LRTM1: variants seen among roughly 807,000 people sequenced by gnomAD.
The protein encoded by LRTM1 is leucine rich repeat transmembrane protein 1.
In LRTM1, 38 loss-of-function variants were observed where a neutral mutation model predicts 32.4. The observed-to-expected ratio is 1.17, with a 90% CI of 0.91 to 1.54. The LOEUF (loss-of-function observed/expected upper bound fraction) is 1.54. Among genes scored for constraint, LRTM1 ranks in the 40% most tolerant of loss-of-function variants. LRTM1 has a pLI of 0.00. For missense variants in LRTM1, 466 were observed against 415.4 expected, an observed-to-expected ratio of 1.12 and a Z score of -1.06; for synonymous variants, 186 against 169.9, an observed-to-expected ratio of 1.09 and a Z score of -0.74.
chr3:54,928,322 A>G (rs1395874892), upstream of LRTM1, among the ~76,000 whole-genome samples: 2 of 152,170 alleles, frequency 1.3e-5, no homozygotes, highest in South Asian at 2.1e-4. Flanking sequence ...CTTGAAGTAC[A>G]GGGCACCAAA....
chr3:54,940,843 T>A (rs1215963120), intron 1 of LRTM1, among the ~76,000 whole-genome samples: 1 of 152,230 alleles, frequency 6.6e-6, no homozygotes, highest in African/African-American at 2.4e-5. Flanking sequence ...CATATGTTTA[T>A]GGACAATGAG....
rs142381079 is a variant in LRTM1, at chr3:54,921,494, A to C, written c.605-2602T>G. ...GTGTGCATATTTCTTTGGAGGAGAT[A>C]TTATTATGTATTCACCAAAGCACAT... On this transcript the variant is annotated intron_variant, in intron 2 of 2. Transcript: ENST00000273286. 3.2e-3 allele frequency among the ~76,000 whole-genome samples: 486 copies of C among 152,300 alleles called. 4 individuals are homozygous for C. Among genetic ancestry groups the C allele is most frequent in the African/African-American group, 0.011 (458 of 41,558 alleles).
intron 1 of LRTM1, among the ~76,000 whole-genome samples, chr3:54,955,869 G>A (rs1370386457): frequency 1.3e-5 from 2 of 152,168 alleles, no homozygotes; most frequent in African/African-American, 4.8e-5. Context: ...CCTGGTGAGA[G>A]TCAAGGAGCA....
chr3:54,924,097 TGTGA>T (rs938015982), intron 2 of LRTM1, among the ~76,000 whole-genome samples: 2 of 152,174 alleles, frequency 1.3e-5, no homozygotes, highest in African/African-American at 4.8e-5. Flanking sequence ...TTAAAGAAAT[TGTGA>T]GTAACTTTAG....
Position 54,939,768 on chromosome 3 carries a change from T to C in LRTM1, c.-221-14553A>G, listed in dbSNP as rs150272149. 4.1e-3 allele frequency among the ~76,000 whole-genome samples: 625 copies of C among 152,320 alleles called. 3 individuals are homozygous for C. Among genetic ancestry groups the C allele is most frequent in the African/African-American group, 0.014 (589 of 41,574 alleles). On this transcript the variant is annotated intron_variant, in intron 1 of 2. Transcript: ENST00000493075. ...GAAGGAGGGAACTCCCTTTGATCTA[T>C]AGACCAGTAGCGGGAGAAGCATGGC... is the stretch of plus-strand genomic sequence containing the variant.
intron 1 of LRTM1, among the ~76,000 whole-genome samples, chr3:54,951,252 T>C (rs907691518): frequency 8.5e-5 from 13 of 152,330 alleles, no homozygotes; most frequent in Non-Finnish European, 1.2e-4. Flanking sequence ...GTGGCCACTA[T>C]GTAGACATCT....
Position 54,924,949 on chromosome 3 carries a change from C to T in LRTM1, c.274G>A (p.Gly92Arg), listed in dbSNP as rs1304045154. The change falls in exon 2 of 3, where the codon GGA becomes AGA. Residue 92 changes from glycine to arginine, a missense_variant. Gly to Arg is a moderately radical substitution (Grantham distance 125). Transcript: ENST00000273286. ...AAGTGCTGAAGCCCATGGAAAGCTC[C>T]AGGGGCCAGATTTGAAAGGGAATTG... ...SNNSLSNLAP[G>R]AFHGLQHLQV... is the part of the protein sequence containing the mutation. The T allele has an allele frequency of 1.2e-6, 2 of 1,611,420 alleles. No individual in the cohort carries two copies.
chr3:54,918,535 T>G lies in LRTM1; in HGVS notation c.962A>C (p.His321Pro). ...ATTGGTTTGAGCCAAGGGTCCCCCA[T>G]GGTACTGGGCTGTGATTGCCGCATA... ...CTYAAITAQY[H>P]GGPLAQTNDP... The change falls in exon 3 of 3, where the codon CAT (histidine) becomes CCT (proline). Residue 321 changes from histidine to proline, a missense_variant. Physicochemically the swap from His to Pro is moderately conservative, Grantham distance 77 (BLOSUM62 -2). Transcript: ENST00000273286. 6.2e-7 allele frequency: 1 copy of G among 1,614,050 alleles called. No individual in the cohort carries two copies. The highest frequency in any genetic ancestry group is 8.5e-7 in the Non-Finnish European group (1 of 1,180,002).
chr3:54,939,321 C>A (rs1034328104), intron 1 of LRTM1, among the ~76,000 whole-genome samples: 1 of 152,196 alleles, frequency 6.6e-6, no homozygotes, highest in African/African-American at 2.4e-5. Flanking sequence ...TTGCCTGAGA[C>A]CCAATTTCTA....
chr3:54,938,711 A>G (rs77370760), intron 1 of LRTM1, among the ~76,000 whole-genome samples: 3,487 of 152,052 alleles, frequency 0.023, 132 homozygotes, highest in African/African-American at 0.076. Context: ...ATAAAAATAA[A>G]TTTTTATTTT....
upstream of LRTM1, among the ~76,000 whole-genome samples, chr3:54,929,009 AT>A (rs1382770759): frequency 2.0e-5 from 3 of 152,228 alleles, no homozygotes; most frequent in Non-Finnish European, 4.4e-5. Context: ...ATAAAACAAA[AT>A]GTTCTGCTGT....
chr3:54,924,575 G>T, intron 2 of LRTM1, 44 bp downstream of exon 2: 1 of 1,446,946 alleles, frequency 6.9e-7, no homozygotes, highest in Non-Finnish European at 9.6e-7. Flanking sequence ...TTCATCCTAG[G>T]CTGGTAACAC....
At chr3:54,964,529 G>A (rs1559448789) in intron 1 of LRTM1, among the ~76,000 whole-genome samples, 2 of 152,102 alleles carry the variant, frequency 1.3e-5, no homozygotes, top group Admixed American at 6.6e-5. Flanking sequence ...TGCTTGAAAT[G>A]TTGCTGAAAG....
intron 2 of LRTM1, among the ~76,000 whole-genome samples, chr3:54,919,575 C>T (rs966558014): frequency 6.6e-6 from 1 of 152,138 alleles, no homozygotes; most frequent in African/African-American, 2.4e-5. Flanking sequence ...GATTGATATC[C>T]TCAGGTGTGT....
upstream of LRTM1, among the ~76,000 whole-genome samples, chr3:54,931,225 A>G (rs1173751713): frequency 6.6e-6 from 1 of 152,214 alleles, no homozygotes; most frequent in Non-Finnish European, 1.5e-5. Flanking sequence ...CCCCAGAGCT[A>G]ATGGGTTCCT....
intron 1 of LRTM1, among the ~76,000 whole-genome samples, chr3:54,956,423 G>C (rs1478661683): frequency 1.3e-5 from 2 of 152,164 alleles, no homozygotes; most frequent in African/African-American, 4.8e-5. Flanking sequence ...ACCAGTTTTT[G>C]TTTTAACCTT....
At chr3:54,923,686 C>A (rs1700920115) in intron 2 of LRTM1, among the ~76,000 whole-genome samples, 1 of 152,166 alleles carries the variant, frequency 6.6e-6, no homozygotes, top group East Asian at 1.9e-4. Flanking sequence ...ATGCTGAGAG[C>A]TAGGAAGAGT....
chr3:54,962,313 G>A (rs1012798630), intron 1 of LRTM1, among the ~76,000 whole-genome samples: 3 of 152,130 alleles, frequency 2.0e-5, no homozygotes, highest in Admixed American at 2.0e-4. Flanking sequence ...ATTTTGTAAT[G>A]CATTTGCTCA....
intron 1 of LRTM1, among the ~76,000 whole-genome samples, chr3:54,962,524 G>C (rs761371512): frequency 6.6e-6 from 1 of 152,160 alleles, no homozygotes; most frequent in African/African-American, 2.4e-5. Context: ...TTTAATACCC[G>C]TGATTTTATT....
Sources: gnomAD v4.1 joint callset for allele counts (sites outside exome capture counted in the v4.1 genomes callset) on GRCh38, gnomAD v4.1.1 for gene constraint, MANE v1.5 for transcripts, NCBI Gene and HGNC (gene_info 2026-07-23, HGNC 2026-07-21) for gene names.